The following SFXN5 variants were observed in gnomAD, a reference collection of about 807,000 sequenced individuals.
SFXN5 encodes the protein sideroflexin-5.
SFXN5 carries 43 observed loss-of-function variants against 50.2 expected under a neutral mutation model. The ratio of observed to expected loss-of-function variants is 0.86; its 90% CI spans 0.67 to 1.11. The LOEUF (loss-of-function observed/expected upper bound fraction) is 1.11. Among genes scored for constraint, SFXN5 ranks in the 50% least tolerant of loss-of-function variants. The probability of loss-of-function intolerance (pLI) is 0.00; values close to 1 mark genes in which losing one functional copy is unlikely to be tolerated. For missense variants in SFXN5, 463 were observed against 454.1 expected (o/e 1.02, Z -0.18); for synonymous variants, 203 against 185.8 (o/e 1.09, Z -0.75).
At chr2:72,988,158 G>C in intron 10 of SFXN5, 100 bp downstream of exon 10, 1 of 1,067,130 alleles carries the variant, frequency 9.4e-7, no homozygotes, top group Non-Finnish European at 1.4e-6. Context: ...GTGCCCCCTG[G>C]GCATCAGGAG....
chr2:73,069,243 G>C (rs1028669333), intron 1 of SFXN5, among the ~76,000 whole-genome samples: 8 of 152,238 alleles, frequency 5.3e-5, no homozygotes, highest in African/African-American at 1.7e-4. Context: ...AAGAGGGCCA[G>C]AGTGGAAGCA....
At chr2:73,011,954 A>G (rs569580285) in intron 6 of SFXN5, among the ~76,000 whole-genome samples, 2 of 152,340 alleles carry the variant, frequency 1.3e-5, no homozygotes, top group South Asian at 4.1e-4. Flanking sequence ...ATCGTTTCTA[A>G]TAGCAAATAA....
intron 3 of SFXN5, among the ~76,000 whole-genome samples, chr2:73,023,728 G>C (rs1484520361): frequency 6.6e-6 from 1 of 152,186 alleles, no homozygotes; most frequent in Non-Finnish European, 1.5e-5. Context: ...ACACAGAGTC[G>C]TTTAAGGGGT....
intron 3 of SFXN5, among the ~76,000 whole-genome samples, chr2:73,040,184 T>C (rs1679439957): frequency 6.6e-6 from 1 of 152,164 alleles, no homozygotes; most frequent in African/African-American, 2.4e-5. Context: ...TAAATTAATG[T>C]TTGAAAAAGT....
At chr2:73,057,207 T>C (rs1298728084) in intron 2 of SFXN5, among the ~76,000 whole-genome samples, 2 of 152,246 alleles carry the variant, frequency 1.3e-5, no homozygotes, top group African/African-American at 4.8e-5. Context: ...GGTACAATCA[T>C]GGTTCACTGC....
At chr2:73,060,296 G>A (rs1313213872) in intron 1 of SFXN5, among the ~76,000 whole-genome samples, 1 of 152,092 alleles carries the variant, frequency 6.6e-6, no homozygotes, top group Non-Finnish European at 1.5e-5. Context: ...AAGGGCAGGT[G>A]GGACACTGTG....
In SFXN5 at chr2:72,988,364, A is replaced by G. The variant is rs748230814; in HGVS notation, c.535-16T>C. 2 of 1,611,418 alleles carry G rather than the reference A, an allele frequency of 1.2e-6. No individual in the cohort carries two copies. Among genetic ancestry groups the G allele is most frequent in the East Asian group, 2.2e-5 (1 of 44,860 alleles). On this transcript the variant is annotated splice_polypyrimidine_tract_variant and intron_variant, in intron 9 of 13. Coordinates refer to ENST00000272433, the MANE Select transcript of SFXN5 (RefSeq NM_144579.3). ...TAAGGCCCACCTTTGAAAGAAAAAAATAAAAACACAGAAAAAGTACATGAT... is the reference window on the plus strand; with the variant it reads ...TAAGGCCCACCTTTGAAAGAAAAAAGTAAAAACACAGAAAAAGTACATGAT...
At chr2:73,038,056 G>A (rs928259030) in intron 3 of SFXN5, among the ~76,000 whole-genome samples, 2 of 152,184 alleles carry the variant, frequency 1.3e-5, no homozygotes, top group Non-Finnish European at 2.9e-5. Context: ...GATATGTTCT[G>A]AGAAATGCAT....
intron 9 of SFXN5, among the ~76,000 whole-genome samples, chr2:72,990,364 T>C (rs1443959511): frequency 6.6e-6 from 1 of 152,038 alleles, no homozygotes; most frequent in Non-Finnish European, 1.5e-5. Context: ...TGCCGGCTCA[T>C]ACTGGGCCCT....
chr2:73,022,467 T>C, intron 5 of SFXN5, 55 bp downstream of exon 5: 1 of 1,358,942 alleles, frequency 7.4e-7, no homozygotes, highest in South Asian at 1.2e-5. Flanking sequence ...CCTGGAACTG[T>C]GACTGGAGTA....
At chr2:73,052,271 C>T (rs1334236287) in intron 2 of SFXN5, among the ~76,000 whole-genome samples, 1 of 151,838 alleles carries the variant, frequency 6.6e-6, no homozygotes, top group African/African-American at 2.4e-5. Flanking sequence ...TTCATAGTTA[C>T]TGTGGTGTCA....
intron 9 of SFXN5, among the ~76,000 whole-genome samples, chr2:72,993,902 G>C (rs1439705052): frequency 1.3e-5 from 2 of 152,168 alleles, no homozygotes; most frequent in Non-Finnish European, 2.9e-5. Flanking sequence ...AGAAAACACA[G>C]GCCCAGGAAC....
chr2:73,070,033 C>G (rs1057333317), intron 1 of SFXN5, among the ~76,000 whole-genome samples: 9 of 152,186 alleles, frequency 5.9e-5, no homozygotes, highest in Non-Finnish European at 1.2e-4. Flanking sequence ...GGATCTGACT[C>G]AGGTGGCCAA....
chr2:73,048,375 C>T (rs909871129), intron 2 of SFXN5, among the ~76,000 whole-genome samples: 2 of 152,136 alleles, frequency 1.3e-5, no homozygotes, highest in Non-Finnish European at 2.9e-5. Context: ...GCCACCACAC[C>T]CAGCTAATTT....
intron 12 of SFXN5, among the ~76,000 whole-genome samples, chr2:72,966,960 G>A (rs1674486858): frequency 6.6e-6 from 1 of 152,184 alleles, no homozygotes; most frequent in Non-Finnish European, 1.5e-5. Flanking sequence ...TCCACACAGG[G>A]CAGGACTCAA....
At chr2:73,018,932 T>G (rs1183614879) in intron 6 of SFXN5, among the ~76,000 whole-genome samples, 1 of 152,170 alleles carries the variant, frequency 6.6e-6, no homozygotes, top group Non-Finnish European at 1.5e-5. Context: ...GCTTCCTAGG[T>G]CTATATCCAA....
At position 72,944,721 on chromosome 2, in the gene SFXN5, T is replaced by G. The variant is rs1447562718; in HGVS notation, c.*301A>C. 7 of 356,238 alleles carry G rather than the reference T, an allele frequency of 2.0e-5. No homozygotes were observed. Among genetic ancestry groups the G allele is most frequent in the Non-Finnish European group, 3.6e-5 (7 of 197,058 alleles). 22.1% of individuals were successfully genotyped at this position (356,238 alleles called of 1,614,324 possible). On this transcript the variant is annotated 3_prime_UTR_variant, in exon 14 of 14. Coordinates refer to ENST00000272433, the MANE Select transcript of SFXN5 (RefSeq NM_144579.3). ...ATAAAAGGATTCTACTTCTACCCCA[T>G]GGGCACTCTACAATTTTTCAGCTTC...
chr2:73,032,934 G>A (rs1008632958), intron 3 of SFXN5, among the ~76,000 whole-genome samples: 2 of 152,178 alleles, frequency 1.3e-5, no homozygotes, highest in African/African-American at 4.8e-5. Context: ...TCTATGTCAG[G>A]TGAGGGTACC....
rs772014456 is a variant in SFXN5 at position 73,066,207 on chromosome 2, G to A, written c.102+5397C>T. Among the ~76,000 whole-genome samples the A allele has an allele frequency of 1.3e-5, 2 of 152,030 alleles. 1 individual carries two copies. On this transcript the variant is annotated intron_variant, in intron 1 of 13. Coordinates refer to ENST00000272433, the MANE Select transcript of SFXN5 (RefSeq NM_144579.3). ...AGAAGGTGGGGAATTCTACAGGGAC[G>A]AACAACTGCTTCTTCAATAGGAAGG... is the stretch of plus-strand genomic sequence containing the variant.
Sources: gnomAD v4.1 joint callset for allele counts (sites outside exome capture counted in the v4.1 genomes callset) on GRCh38, gnomAD v4.1.1 for gene constraint, MANE v1.5 for transcripts, NCBI Gene and HGNC (gene_info 2026-07-23, HGNC 2026-07-21) for gene names.